Variants in CORIN observed in about 807,000 individuals in gnomAD.
CORIN encodes the protein corin, serine peptidase.
Under a neutral mutation model 125.3 loss-of-function variants are expected in CORIN, and 117 were observed. The ratio of observed to expected loss-of-function variants is 0.93; its 90% CI spans 0.80 to 1.09. The LOEUF (loss-of-function observed/expected upper bound fraction) is 1.09. CORIN is among the 50% of genes least tolerant of loss of function. The probability of loss-of-function intolerance (pLI) is 0.00; values close to 1 mark genes in which losing one functional copy is unlikely to be tolerated. For missense variants in CORIN, 1,253 were observed against 1,306.7 expected, an observed-to-expected ratio of 0.96 and a Z score of 0.63; for synonymous variants, 450 against 466.4, an observed-to-expected ratio of 0.96 and a Z score of 0.45.
intron 5 of CORIN, among the ~76,000 whole-genome samples, chr4:47,712,708 A>T (rs1006997369): frequency 6.6e-6 from 1 of 152,240 alleles, no homozygotes; most frequent in Non-Finnish European, 1.5e-5. Context: ...CTTAGTTTCC[A>T]CAAGAAGTTT....
chr4:47,726,373 A>C (rs1040976016), intron 5 of CORIN, among the ~76,000 whole-genome samples: 1 of 152,122 alleles, frequency 6.6e-6, no homozygotes, highest in Non-Finnish European at 1.5e-5. Context: ...GTAAGCATTA[A>C]AAATAACCAC....
chr4:47,614,223 G>A (rs1039948449), intron 19 of CORIN, among the ~76,000 whole-genome samples: 33 of 152,114 alleles, frequency 2.2e-4, no homozygotes, highest in African/African-American at 7.2e-4. Context: ...ACAGAGTTTC[G>A]CTCTTGTTGC....
chr4:47,699,023 C>T (rs1726165563), intron 5 of CORIN, among the ~76,000 whole-genome samples: 1 of 152,162 alleles, frequency 6.6e-6, no homozygotes, highest in Non-Finnish European at 1.5e-5. Context: ...CTGATGTTTG[C>T]ACATGATGAA....
chr4:47,768,892 A>T (rs1336067087), intron 3 of CORIN, among the ~76,000 whole-genome samples: 1 of 152,262 alleles, frequency 6.6e-6, no homozygotes, highest in Non-Finnish European at 1.5e-5. Flanking sequence ...GAGAAAAGCC[A>T]TCCTCTAAGA....
intron 3 of CORIN, among the ~76,000 whole-genome samples, chr4:47,767,596 A>G (rs180867377): frequency 1.3e-5 from 2 of 152,342 alleles, no homozygotes; most frequent in East Asian, 3.9e-4. Flanking sequence ...TTAAAGAATG[A>G]TAACAATGAG....
At chr4:47,832,361 A>C (rs1733067552) in intron 1 of CORIN, among the ~76,000 whole-genome samples, 1 of 151,944 alleles carries the variant, frequency 6.6e-6, no homozygotes, top group Admixed American at 6.6e-5. Flanking sequence ...ATAGGAAACC[A>C]CTTCTTAAAA....
chr4:47,718,762 A>G (rs1429905477), intron 5 of CORIN, among the ~76,000 whole-genome samples: 4 of 152,194 alleles, frequency 2.6e-5, no homozygotes, highest in African/African-American at 7.2e-5. Flanking sequence ...TCAACACTAC[A>G]GAGGAAAAAC....
At chr4:47,688,957 C>A (rs1294768162) in intron 6 of CORIN, among the ~76,000 whole-genome samples, 1 of 152,124 alleles carries the variant, frequency 6.6e-6, no homozygotes, top group Non-Finnish European at 1.5e-5. Flanking sequence ...TTTGATGATT[C>A]AAACATCATT....
At chr4:47,720,294 T>C (rs1727287549) in intron 5 of CORIN, among the ~76,000 whole-genome samples, 1 of 152,222 alleles carries the variant, frequency 6.6e-6, no homozygotes, top group African/African-American at 2.4e-5. Flanking sequence ...GGTGGACTTA[T>C]TTTCAGTGCA....
At chr4:47,645,244 A>T in intron 13 of CORIN, 50 bp from the exon 14 acceptor site, 1 of 1,134,602 alleles carries the variant, frequency 8.8e-7, no homozygotes, top group Non-Finnish European at 1.3e-6. Flanking sequence ...ATTGAAAATA[A>T]TGATAAATTC....
At chr4:47,629,766 A>G (rs1437149615) in intron 16 of CORIN, among the ~76,000 whole-genome samples, 1 of 152,176 alleles carries the variant, frequency 6.6e-6, no homozygotes, top group East Asian at 1.9e-4. Context: ...AACAGCTAAC[A>G]GGTGTTAACT....
intron 16 of CORIN, among the ~76,000 whole-genome samples, chr4:47,641,053 A>G (rs1317276301): frequency 6.6e-6 from 1 of 152,136 alleles, no homozygotes; most frequent in Non-Finnish European, 1.5e-5. Context: ...CACATGGGAG[A>G]AATGGACTCA....
chr4:47,615,196 A>T lies in CORIN; in HGVS notation c.2540+8375T>A, dbSNP rs374763124. ...GCCCAGTGAGTGATGGGAGACTAGA[A>T]GGAGACACAGTCAAAGTGCTGGGAC... is the stretch of plus-strand genomic sequence containing the variant. On this transcript the variant is annotated intron_variant, in intron 19 of 21. Transcript: ENST00000273857. Among the ~76,000 whole-genome samples, 8 of 152,352 alleles carry T rather than the reference A, an allele frequency of 5.3e-5. No individual in the cohort carries two copies. The South Asian group carries it at 1.0e-3, about 20-fold the overall frequency.
chr4:47,620,357 T>A (rs1221937358), intron 19 of CORIN, among the ~76,000 whole-genome samples: 1 of 152,200 alleles, frequency 6.6e-6, no homozygotes, highest in African/African-American at 2.4e-5. Context: ...ATAATAAATC[T>A]ATAGATAGAA....
chr4:47,685,459 A>T (rs1345017911), intron 6 of CORIN, among the ~76,000 whole-genome samples: 1 of 152,210 alleles, frequency 6.6e-6, no homozygotes, highest in South Asian at 2.1e-4. Flanking sequence ...CAGAAAAAAC[A>T]AATTTATAGA....
intron 10 of CORIN, among the ~76,000 whole-genome samples, chr4:47,672,823 G>A (rs1253119844): frequency 6.6e-6 from 1 of 151,996 alleles, no homozygotes; most frequent in Non-Finnish European, 1.5e-5. Flanking sequence ...GTGCTTCCAG[G>A]CAAAGAGTTA....
At chr4:47,606,887 A>C (rs1721671930) in intron 19 of CORIN, among the ~76,000 whole-genome samples, 1 of 152,184 alleles carries the variant, frequency 6.6e-6, no homozygotes, top group Non-Finnish European at 1.5e-5. Context: ...TCAAGCAATA[A>C]TTTATTTCAA....
rs1316718355 is a variant in CORIN at position 47,838,062 on chromosome 4, C to G, written c.-113G>C. 6.5e-7 allele frequency: 1 copy of G among 1,529,472 alleles called. No individual in the cohort carries two copies. Among genetic ancestry groups the G allele is most frequent in the African/African-American group, 1.4e-5 (1 of 71,898 alleles). 94.7% of individuals were successfully genotyped at this position (1,529,472 alleles called of 1,614,324 possible). A position where few individuals can be genotyped will look rare whatever the true frequency, so the allele number is the denominator to read the frequency against. On this transcript the variant is annotated 5_prime_UTR_variant, in exon 1 of 22. Transcript: ENST00000273857. ...TGATTTTCTCCAAGCTCAAGAGAGACAAACTGAACTTTAAGCGCCAGGGGC... is the reference window on the plus strand; with the variant it reads ...TGATTTTCTCCAAGCTCAAGAGAGAGAAACTGAACTTTAAGCGCCAGGGGC...
chr4:47,622,083 A>C (rs907755488), intron 19 of CORIN, among the ~76,000 whole-genome samples: 1 of 133,258 alleles, frequency 7.5e-6, no homozygotes, highest in Non-Finnish European at 1.5e-5. Context: ...CCCACCTATG[A>C]GTGAGAATAT....
Sources: allele counts gnomAD v4.1 joint callset (sites outside exome capture counted in the v4.1 genomes callset), GRCh38; gene constraint gnomAD v4.1.1; transcripts MANE v1.5; gene names NCBI Gene and HGNC (gene_info 2026-07-23, HGNC 2026-07-21).